The following SLC8A2 variants were observed in gnomAD, a reference collection of about 807,000 sequenced individuals.
SLC8A2 encodes solute carrier family 8 member A2.
Under a neutral mutation model 70.2 loss-of-function variants are expected in SLC8A2, and 14 were observed. That is an observed-to-expected ratio of 0.20 (90% CI 0.13 to 0.31). The LOEUF is 0.31. Ranked by LOEUF, SLC8A2 falls within the 10% of genes least tolerant of loss-of-function variation. The pLI is 1.00. For missense variants in SLC8A2, 779 were observed against 1,320.1 expected (o/e 0.59, Z 6.35); for synonymous variants, 575 against 594.3 (o/e 0.97, Z 0.47).
chr19:47,457,835 T>G (rs1967333596), intron 2 of SLC8A2, among the ~76,000 whole-genome samples: 1 of 151,202 alleles, frequency 6.6e-6, no homozygotes, highest in Non-Finnish European at 1.5e-5. Context: ...CTCTCTTTCT[T>G]TCTTTCTTTT....
At position 47,432,650 on chromosome 19, in the gene SLC8A2, G is replaced by T; in HGVS notation, c.2111-205C>A. 2.0e-6 allele frequency: 1 copy of T among 489,910 alleles called. No individual in the cohort carries two copies. 30.3% of individuals were successfully genotyped at this position (489,910 alleles called of 1,614,324 possible). ...GAAGCTAGGAGCTTGATTGGGCCCA[G>T]GTGAAAAATATTTACTTTCCCAGAA... On this transcript the variant is annotated intron_variant, in intron 8 of 9. Coordinates refer to ENST00000236877, the MANE Select transcript of SLC8A2 (RefSeq NM_015063.3). The surrounding 1 kb of genome is among the most constrained non-coding windows in gnomAD (Gnocchi z 6.2).
chr19:47,451,292 G>A (rs1967231870), intron 3 of SLC8A2, among the ~76,000 whole-genome samples: 1 of 151,044 alleles, frequency 6.6e-6, no homozygotes, highest in Non-Finnish European at 1.5e-5. Flanking sequence ...ACAGGCATAA[G>A]CCACCGCGCC....
chr19:47,438,347 A>G (rs200347808), intron 6 of SLC8A2, among the ~76,000 whole-genome samples: 1 of 152,206 alleles, frequency 6.6e-6, no homozygotes, highest in East Asian at 1.9e-4. Context: ...TGCTTAGAAC[A>G]GTGCCTGGCA....
Position 47,432,505 on chromosome 19 carries a change from C to CA in SLC8A2, c.2111-61_2111-60insT. 1 of 1,483,130 alleles carries CA rather than the reference C, an allele frequency of 6.7e-7. No homozygotes were observed. The highest frequency in any genetic ancestry group is 9.0e-7 in the Non-Finnish European group (1 of 1,112,642). The allele number at this position is 1,483,130 out of a possible 1,614,324, so 91.9% of individuals were successfully genotyped here. A position where few individuals can be genotyped will look rare whatever the true frequency, so the allele number is the denominator to read the frequency against. ...AGACTTCCTTCCTTGCCTACAGAGGCCCCATTTTGTCTAACTTCCTGACAG... is the reference window on the plus strand; with the variant it reads ...AGACTTCCTTCCTTGCCTACAGAGGCACCCATTTTGTCTAACTTCCTGACAG... On this transcript the variant is annotated intron_variant, in intron 8 of 9. Coordinates refer to ENST00000236877, the MANE Select transcript of SLC8A2 (RefSeq NM_015063.3). This position sits in a 1 kb window ranked among gnomAD's most constrained non-coding sequence, Gnocchi z 6.2.
Position 47,430,434 on chromosome 19 carries a change from C to T in SLC8A2, c.2421G>A (p.Gln807=), listed in dbSNP as rs1206578439. 1 of 1,606,718 alleles carries T rather than the reference C, an allele frequency of 6.2e-7. No individual in the cohort carries two copies. Residue 807 remains glutamine, a synonymous_variant, in exon 10 of 10, where the codon CAG becomes CAA. Transcript: ENST00000236877. This position sits in a 1 kb window ranked among gnomAD's most constrained non-coding sequence, Gnocchi z 5.9. ...DTFASKVAAL[Q]DQCADASIGN... ...CGATGGACGCGTCGGCGCACTGGTC[C>T]TGCAGCGCCGCCACCTTGCTGGCGA... is the stretch of plus-strand genomic sequence containing the variant.
At chr19:47,470,829 G>A (rs1967527453) in intron 1 of SLC8A2, among the ~76,000 whole-genome samples, 1 of 152,150 alleles carries the variant, frequency 6.6e-6, no homozygotes, top group African/African-American at 2.4e-5. Flanking sequence ...AACAAGGCAG[G>A]GGGAGGTGGG....
At chr19:47,451,308 C>CTTTTTTTTTTTTTTT (rs1555749092) in intron 3 of SLC8A2, among the ~76,000 whole-genome samples, 2 of 150,362 alleles carry the variant, frequency 1.3e-5, no homozygotes, top group African/African-American at 4.9e-5. Context: ...GCGCCCAGAC[C>CTTTTTTTTTTTTTTT]TTTTTTTTGT....
chr19:47,438,003 C>T (rs764844564), intron 6 of SLC8A2, 30 bp from the exon 7 acceptor site: 1 of 1,613,404 alleles, frequency 6.2e-7, no homozygotes. Flanking sequence ...GGTTAGACTC[C>T]TGGGAGACCT....
Position 47,465,679 on chromosome 19 carries a change from A to G in SLC8A2, c.675+50T>C, listed in dbSNP as rs1383005508. On this transcript the variant is annotated intron_variant, in intron 2 of 9. Transcript: ENST00000236877. The surrounding 1 kb of genome is among the most constrained non-coding windows in gnomAD (Gnocchi z 5.5). ...CTCCAAGCCAAGAGCACCTCTCTGG[A>G]TTTTGCAGACACACATGCACCAAGA... 3 of 1,470,220 alleles carry G rather than the reference A, an allele frequency of 2.0e-6. No homozygotes were observed. The highest frequency in any genetic ancestry group is 2.8e-6 in the Non-Finnish European group (3 of 1,082,932). 91.1% of individuals were successfully genotyped at this position (1,470,220 alleles called of 1,614,324 possible).
At position 47,430,536 on chromosome 19, in the gene SLC8A2, C is replaced by A. The variant is rs1966944084; in HGVS notation, c.2390-71G>T. The A allele has an allele frequency of 4.2e-6, 6 of 1,439,144 alleles. No individual in the cohort carries two copies. Among genetic ancestry groups the A allele is most frequent in the Non-Finnish European group, 5.5e-6 (6 of 1,092,910 alleles). The allele number at this position is 1,439,144 out of a possible 1,614,324, so 89.1% of individuals were successfully genotyped here. A position where few individuals can be genotyped will look rare whatever the true frequency, so the allele number is the denominator to read the frequency against. On this transcript the variant is annotated intron_variant, in intron 9 of 9. Coordinates refer to ENST00000236877, the MANE Select transcript of SLC8A2 (RefSeq NM_015063.3). This position sits in a 1 kb window ranked among gnomAD's most constrained non-coding sequence, Gnocchi z 5.9. The stretch of plus-strand genomic sequence containing the variant: ...CCACAGGGGCGGGCATCCGCCTGCC[C>A]CCTCCCAGCCTTTCCCGGTCGCCTG...
At position 47,457,353 on chromosome 19, in the gene SLC8A2, C is replaced by A; in HGVS notation, c.917G>T (p.Arg306Leu). 6.5e-7 allele frequency: 1 copy of A among 1,542,118 alleles called. No homozygotes were observed. Among genetic ancestry groups the A allele is most frequent in the South Asian group, 1.2e-5 (1 of 82,802 alleles). The change falls in exon 3 of 10, where the codon CGC becomes CTC. Residue 306 changes from arginine to leucine, a missense_variant. Arg to Leu is a moderately radical substitution (Grantham distance 102). Coordinates refer to ENST00000236877, the MANE Select transcript of SLC8A2 (RefSeq NM_015063.3). Reference protein sequence around the residue: ...GGLGPGPAEARELDASRREVI... With the variant: ...GGLGPGPAEALELDASRREVI... ...CTCGCGGCGGCTGGCGTCCAGCTCG[C>A]GCGCCTCGGCGGGGCCCGGGCCCAG...
intron 7 of SLC8A2, 53 bp from the exon 8 acceptor site, chr19:47,437,614 G>A (rs1967046812): frequency 7.0e-7 from 1 of 1,423,080 alleles, no homozygotes; most frequent in African/African-American, 1.4e-5. Flanking sequence ...AACCAGGGAA[G>A]CTCCATGTTG....
At chr19:47,449,583 C>T (rs1403089674) in intron 3 of SLC8A2, among the ~76,000 whole-genome samples, 2 of 152,136 alleles carry the variant, frequency 1.3e-5, no homozygotes, top group African/African-American at 4.8e-5. Context: ...CTTGGCTTCC[C>T]AAAGTGCTGG....
intron 6 of SLC8A2, 109 bp downstream of exon 6, chr19:47,441,060 A>C: frequency 9.7e-7 from 1 of 1,034,836 alleles, no homozygotes; most frequent in East Asian, 2.4e-5. Context: ...TCTCACCTCC[A>C]ATCTGCCTCA....
At chr19:47,433,678 C>A (rs148579353) in intron 8 of SLC8A2, among the ~76,000 whole-genome samples, 7 of 151,890 alleles carry the variant, frequency 4.6e-5, no homozygotes, top group African/African-American at 1.7e-4. Flanking sequence ...GAGACAGAGC[C>A]TCCCTCCGTT....
chr19:47,459,992 G>A (rs1436617510), intron 2 of SLC8A2, among the ~76,000 whole-genome samples: 6 of 151,286 alleles, frequency 4.0e-5, no homozygotes, highest in Non-Finnish European at 7.4e-5. Context: ...TGTGTCTTCT[G>A]GCCTCTCTCT....
At chr19:47,431,912 G>A (rs959132826) in intron 9 of SLC8A2, among the ~76,000 whole-genome samples, 17 of 152,120 alleles carry the variant, frequency 1.1e-4, no homozygotes, top group African/African-American at 4.1e-4. Context: ...GAAATCCATT[G>A]TCTGGTTTCT....
Position 47,432,542 on chromosome 19 carries a change from G to T in SLC8A2, c.2111-97C>A. ...TAACTTCCTGACAGCAAGTCCCATT[G>T]AATGAACTTCTTTCCCAGAATCCCT... On this transcript the variant is annotated intron_variant, in intron 8 of 9. Transcript: ENST00000236877. This position sits in a 1 kb window ranked among gnomAD's most constrained non-coding sequence, Gnocchi z 6.2. 1 of 1,244,116 alleles carries T rather than the reference G, an allele frequency of 8.0e-7. No homozygotes were observed. The allele number at this position is 1,244,116 out of a possible 1,614,324, so 77.1% of individuals were successfully genotyped here.
Position 47,428,240 on chromosome 19 carries a change from G to C in SLC8A2, c.*1849C>G, listed in dbSNP as rs1966899046. ...GGGGGTGTGATTAGTGGAAGAGCTAGGCTGATGAATGGGGGCGTGGTTAGT... is the reference window on the plus strand; with the variant it reads ...GGGGGTGTGATTAGTGGAAGAGCTACGCTGATGAATGGGGGCGTGGTTAGT... On this transcript the variant is annotated 3_prime_UTR_variant, in exon 10 of 10. Transcript: ENST00000236877. 6.6e-6 allele frequency: 1 copy of C among 152,134 alleles called. No individual in the cohort carries two copies. The highest frequency in any genetic ancestry group is 1.5e-5 in the Non-Finnish European group (1 of 68,064). 9.4% of individuals were successfully genotyped at this position (152,134 alleles called of 1,614,324 possible).
Sources: allele counts gnomAD v4.1 joint callset (sites outside exome capture counted in the v4.1 genomes callset), GRCh38; gene constraint gnomAD v4.1.1; non-coding constraint Gnocchi (gnomAD v3.1); transcripts MANE v1.5; gene names NCBI Gene and HGNC (gene_info 2026-07-23, HGNC 2026-07-21).